The following DCAF13 variants were observed in gnomAD, a reference collection of about 807,000 sequenced individuals.
DCAF13 encodes the protein DDB1 and CUL4 associated factor 13, also known as DDB1- and CUL4-associated factor 13.
DCAF13 carries 38 observed loss-of-function variants against 59.0 expected under a neutral mutation model. That is an observed-to-expected ratio of 0.64 (90% CI 0.50 to 0.84). DCAF13 has a LOEUF of 0.84. DCAF13 is among the 40% of genes least tolerant of loss of function. DCAF13 has a pLI of 0.00. For missense variants in DCAF13, 469 were observed against 558.4 expected, an observed-to-expected ratio of 0.84 and a Z score of 1.61; for synonymous variants, 173 against 175.0, an observed-to-expected ratio of 0.99 and a Z score of 0.09.
intron 8 of DCAF13, among the ~76,000 whole-genome samples, chr8:103,435,997 G>T (rs941590372): frequency 6.6e-6 from 1 of 152,172 alleles, no homozygotes; most frequent in African/African-American, 2.4e-5. Context: ...AATCTGTTCA[G>T]CATGTTACTG....
At chr8:103,415,850 A>T (rs1308557540) in intron 1 of DCAF13, among the ~76,000 whole-genome samples, 1 of 152,180 alleles carries the variant, frequency 6.6e-6, no homozygotes. Flanking sequence ...CGTGGGTTGA[A>T]GGGCTGAGAG....
chr8:103,420,495 A>G, intron 2 of DCAF13, 32 bp downstream of exon 2: 1 of 1,586,052 alleles, frequency 6.3e-7, no homozygotes, highest in African/African-American at 1.3e-5. Context: ...ATTTTCAACT[A>G]AAAGTAGTTA....
In DCAF13 at chr8:103,441,350, A is replaced by G. The variant is rs541536722; in HGVS notation, c.1087-105A>G. 4 of 1,071,596 alleles carry G rather than the reference A, an allele frequency of 3.7e-6. No individual in the cohort carries two copies. In the African/African-American group the frequency reaches 4.9e-5, roughly 13 times the overall value. The allele number at this position is 1,071,596 out of a possible 1,614,324, so 66.4% of individuals were successfully genotyped here. A position where few individuals can be genotyped will look rare whatever the true frequency, so the allele number is the denominator to read the frequency against. ...GAATTACATTGGCAATTTTGGTTGC[A>G]TATCATAAAAGATTAGGTTAGGGGG... is the stretch of plus-strand genomic sequence containing the variant. On this transcript the variant is annotated intron_variant, in intron 9 of 10. Coordinates refer to ENST00000612750, the MANE Select transcript of DCAF13 (RefSeq NM_015420.7).
At chr8:103,441,084 TG>T (rs1475424896) in intron 9 of DCAF13, 1 of 169,234 alleles carries the variant, frequency 5.9e-6, no homozygotes, top group Non-Finnish European at 1.3e-5. Flanking sequence ...ATTTTTTCTT[TG>T]CTGTTTCACT....
intron 1 of DCAF13, among the ~76,000 whole-genome samples, chr8:103,415,929 G>A (rs1319504326): frequency 6.6e-6 from 1 of 152,180 alleles, no homozygotes; most frequent in East Asian, 1.9e-4. Flanking sequence ...AGTTGTGGAT[G>A]TTGGAAGAGA....
intron 5 of DCAF13, 23 bp from the exon 6 acceptor site, chr8:103,430,589 G>A (rs750135792): frequency 1.3e-6 from 2 of 1,585,046 alleles, no homozygotes; most frequent in African/African-American, 1.4e-5. Flanking sequence ...CTTTGAACTG[G>A]TGATTGTTAT....
chr8:103,431,413 A>T (rs1300986644), intron 6 of DCAF13, among the ~76,000 whole-genome samples: 3 of 152,232 alleles, frequency 2.0e-5, no homozygotes, highest in Non-Finnish European at 4.4e-5. Context: ...GTCCACATAC[A>T]AAAGAAATGC....
intron 7 of DCAF13, among the ~76,000 whole-genome samples, chr8:103,433,518 T>C (rs934969876): frequency 6.6e-6 from 1 of 152,088 alleles, no homozygotes; most frequent in Non-Finnish European, 1.5e-5. Flanking sequence ...AGAAGTTTGT[T>C]GGTGGATTGA....
At chr8:103,418,424 G>T (rs1168460098) in intron 1 of DCAF13, among the ~76,000 whole-genome samples, 1 of 151,948 alleles carries the variant, frequency 6.6e-6, no homozygotes, top group Non-Finnish European at 1.5e-5. Context: ...GGAGGCTGAG[G>T]TGAGAGGCTA....
intron 7 of DCAF13, 57 bp from the exon 8 acceptor site, chr8:103,435,569 A>G (rs1197706623): frequency 7.3e-7 from 1 of 1,372,206 alleles, no homozygotes; most frequent in Admixed American, 2.4e-5. Flanking sequence ...ATCTTTTAGT[A>G]CTGCATATGG....
intron 6 of DCAF13, among the ~76,000 whole-genome samples, chr8:103,431,531 C>T (rs1335838957): frequency 6.6e-6 from 1 of 152,162 alleles, no homozygotes; most frequent in East Asian, 1.9e-4. Flanking sequence ...GATAATCTTT[C>T]CAAAGTACCA....
At chr8:103,432,278 C>G (rs967309820) in intron 6 of DCAF13, among the ~76,000 whole-genome samples, 1 of 152,160 alleles carries the variant, frequency 6.6e-6, no homozygotes, top group South Asian at 2.1e-4. Flanking sequence ...AATTACTGAT[C>G]CTTCACAGGT....
chr8:103,418,640 A>T (rs890668836), intron 1 of DCAF13, among the ~76,000 whole-genome samples: 1 of 151,410 alleles, frequency 6.6e-6, no homozygotes, highest in Non-Finnish European at 1.5e-5. Context: ...GTAGTAGGGA[A>T]TATGGAAGAT....
At chr8:103,420,825 T>C in intron 2 of DCAF13, 150 bp from the exon 3 acceptor site, 2 of 618,422 alleles carry the variant, frequency 3.2e-6, no homozygotes, top group Non-Finnish European at 5.7e-6. Flanking sequence ...CTCATCAGTA[T>C]ACTTATCCAT....
At chr8:103,430,754 G>T in intron 6 of DCAF13, 65 bp downstream of exon 6, 1 of 1,158,534 alleles carries the variant, frequency 8.6e-7, no homozygotes, top group South Asian at 1.5e-5. Flanking sequence ...TAAATAGAGT[G>T]ACTAACAATA....
chr8:103,419,223 G>A (rs894506118), intron 1 of DCAF13, among the ~76,000 whole-genome samples: 2 of 151,974 alleles, frequency 1.3e-5, no homozygotes, highest in African/African-American at 2.4e-5. Context: ...GTTTAGCAGC[G>A]TATCAGGACA....
At chr8:103,422,956 C>T (rs1341826762) in intron 3 of DCAF13, among the ~76,000 whole-genome samples, 1 of 151,922 alleles carries the variant, frequency 6.6e-6, no homozygotes, top group East Asian at 1.9e-4. Context: ...CATAGAGAGG[C>T]ACTGGAAATA....
Position 103,415,444 on chromosome 8 carries a change from G to T in DCAF13, c.-3G>T, listed in dbSNP as rs777763426. The T allele has an allele frequency of 1.2e-6, 2 of 1,614,144 alleles. No individual in the cohort carries two copies. Among genetic ancestry groups the T allele is most frequent in the Non-Finnish European group, 1.7e-6 (2 of 1,180,028 alleles). On this transcript the variant is annotated 5_prime_UTR_variant, in exon 1 of 11. Coordinates refer to ENST00000612750, the MANE Select transcript of DCAF13 (RefSeq NM_015420.7). Reference sequence around the variant, plus strand: ...GTGGAGTCCGGCCGGAAGAGCAACCGAGATGAAGGTGAAGATGCTGAGCCG... The same window carrying T: ...GTGGAGTCCGGCCGGAAGAGCAACCTAGATGAAGGTGAAGATGCTGAGCCG...
At position 103,420,248 on chromosome 8, in the gene DCAF13, A is replaced by T; in HGVS notation, c.71-16A>T. On this transcript the variant is annotated splice_polypyrimidine_tract_variant and intron_variant, in intron 1 of 10. Coordinates refer to ENST00000612750, the MANE Select transcript of DCAF13 (RefSeq NM_015420.7). ...TATTAAGTGTGAATTATTAAGAAGG[A>T]TCATTCTTATTTCAGTTCCAAGAAA... 6.2e-7 allele frequency: 1 copy of T among 1,609,960 alleles called. No individual in the cohort carries two copies. Among genetic ancestry groups the T allele is most frequent in the African/African-American group, 1.3e-5 (1 of 74,928 alleles).
Sources: gnomAD v4.1 joint callset for allele counts (sites outside exome capture counted in the v4.1 genomes callset) on GRCh38, gnomAD v4.1.1 for gene constraint, MANE v1.5 for transcripts, NCBI Gene and HGNC (gene_info 2026-07-23, HGNC 2026-07-21) for gene names.